Variants in TRANK1 observed in about 807,000 individuals in gnomAD.
TRANK1 encodes tetratricopeptide repeat and ankyrin repeat containing 1.
In TRANK1, 198 loss-of-function variants were observed where a neutral mutation model predicts 266.0. The observed-to-expected ratio is 0.74, with a 90% confidence interval of 0.66 to 0.84. The LOEUF (loss-of-function observed/expected upper bound fraction) is 0.84, where lower values mean the gene tolerates loss of function less well. Ranked by LOEUF, TRANK1 falls within the 40% of genes least tolerant of loss-of-function variation. The pLI is 0.00. For synonymous variants in TRANK1, 1,396 were observed against 1,384.1 expected (o/e 1.01, Z -0.19); for missense variants, 3,326 against 3,634.6 (o/e 0.92, Z 2.18).
At chr3:36,942,564 C>T (rs2080511109) in intron 1 of TRANK1, among the ~76,000 whole-genome samples, 1 of 151,004 alleles carries the variant, frequency 6.6e-6, no homozygotes, top group African/African-American at 2.4e-5. Context: ...CCACTGGGAT[C>T]CATGCAGGAG....
chr3:36,830,729 T>C (rs961031278), intron 22 of TRANK1, 144 bp downstream of exon 22: 2 of 945,362 alleles, frequency 2.1e-6, no homozygotes, highest in South Asian at 2.0e-5. Flanking sequence ...AACTTGAGAA[T>C]ATATATTCCT....
intron 8 of TRANK1, among the ~76,000 whole-genome samples, chr3:36,881,988 AG>A (rs1425822017): frequency 2.0e-5 from 3 of 152,176 alleles, no homozygotes; most frequent in Admixed American, 2.0e-4. Flanking sequence ...TCCATTCCTC[AG>A]TTGATAGAGA....
chr3:36,930,259 G>A (rs1159093090), intron 1 of TRANK1, among the ~76,000 whole-genome samples: 1 of 152,160 alleles, frequency 6.6e-6, no homozygotes, highest in African/African-American at 2.4e-5. Flanking sequence ...GATGAGGAAC[G>A]TGGGTCACCT....
chr3:36,891,038 G>A (rs1320671790), intron 7 of TRANK1, among the ~76,000 whole-genome samples: 2 of 152,276 alleles, frequency 1.3e-5, no homozygotes, highest in Middle Eastern at 6.8e-3. Context: ...CAATCTCTGT[G>A]TAAGAATAAA....
rs2080320172 is a variant in TRANK1, at chr3:36,928,553, T to C, written c.23+16234A>G. ...CTCCTGGGAAGTTTAATTACACTAA[T>C]ACTGCTTTATGACTTGATGTTTACA... On this transcript the variant is annotated intron_variant, in intron 1 of 23. Transcript: ENST00000645898. 2.0e-5 allele frequency among the ~76,000 whole-genome samples: 3 copies of C among 152,350 alleles called. No individual in the cohort carries two copies. In the South Asian group the frequency reaches 6.2e-4, roughly 32 times the overall value.
chr3:36,926,835 T>C (rs1227968508), intron 1 of TRANK1, among the ~76,000 whole-genome samples: 2 of 152,214 alleles, frequency 1.3e-5, no homozygotes, highest in Non-Finnish European at 2.9e-5. Context: ...GGGCAACTTC[T>C]TAACCTCACT....
chr3:36,891,834 C>T (rs888761723), intron 7 of TRANK1, among the ~76,000 whole-genome samples: 4 of 152,108 alleles, frequency 2.6e-5, no homozygotes, highest in Non-Finnish European at 4.4e-5. Context: ...GAAAATGAAC[C>T]GAGAGAAATA....
In TRANK1 at chr3:36,903,493, G is replaced by A. The variant is rs116308719; in HGVS notation, c.156-218C>T. ...CCTCACTCCCAAATACTCTGCTCCCGTCTTTTAATGACAATTGTTCTCAAC... is the reference window on the plus strand; with the variant it reads ...CCTCACTCCCAAATACTCTGCTCCCATCTTTTAATGACAATTGTTCTCAAC... On this transcript the variant is annotated intron_variant, in intron 2 of 23. Coordinates refer to ENST00000645898, the MANE Select transcript of TRANK1 (RefSeq NM_001329998.2). Among the ~76,000 whole-genome samples the A allele has an allele frequency of 4.6e-3, 696 of 152,326 alleles. 4 individuals carry two copies. Among genetic ancestry groups the A allele is most frequent in the African/African-American group, 0.016 (653 of 41,576 alleles).
intron 1 of TRANK1, among the ~76,000 whole-genome samples, chr3:36,937,634 A>G (rs1230375271): frequency 1.3e-5 from 2 of 152,268 alleles, no homozygotes; most frequent in African/African-American, 4.8e-5. Flanking sequence ...CCAATAAGTT[A>G]GCATTCCACA....
At position 36,868,049 on chromosome 3, in the gene TRANK1, A is replaced by C. The variant is rs370292264; in HGVS notation, c.1079-3569T>G. The stretch of plus-strand genomic sequence containing the variant: ...TGAGTGAGCCCTGCAATTGAATGGA[A>C]TCCTGTGGAGGGCTGGCTCCCACTT... On this transcript the variant is annotated intron_variant, in intron 9 of 23. Coordinates refer to ENST00000645898, the MANE Select transcript of TRANK1 (RefSeq NM_001329998.2). 1.9e-4 allele frequency among the ~76,000 whole-genome samples: 29 copies of C among 152,338 alleles called. No individual in the cohort carries two copies. The South Asian group carries it at 6.0e-3, about 32-fold the overall frequency.
intron 18 of TRANK1, among the ~76,000 whole-genome samples, chr3:36,842,402 G>T (rs2078858590): frequency 6.6e-6 from 1 of 152,242 alleles, no homozygotes; most frequent in Non-Finnish European, 1.5e-5. Context: ...GCACATGCTG[G>T]CACTTGGCCA....
intron 2 of TRANK1, among the ~76,000 whole-genome samples, chr3:36,903,479 A>C (rs552197310): frequency 6.6e-6 from 1 of 152,176 alleles, no homozygotes; most frequent in Non-Finnish European, 1.5e-5. Flanking sequence ...CTCACTCCCA[A>C]ATACTCTGCT....
chr3:36,858,080 C>A, intron 12 of TRANK1, 31 bp from the exon 13 acceptor site: 1 of 1,468,308 alleles, frequency 6.8e-7, no homozygotes, highest in South Asian at 1.4e-5. Context: ...CCTGTGAGCA[C>A]TGAGCCACTC....
chr3:36,945,444 G>A (rs1559486390), upstream of TRANK1, among the ~76,000 whole-genome samples: 1 of 152,174 alleles, frequency 6.6e-6, no homozygotes, highest in Non-Finnish European at 1.5e-5. Flanking sequence ...CAGGAGTCGG[G>A]CGAATATCAA....
rs2079731263 is a variant in TRANK1 at position 36,892,990 on chromosome 3, G to A, written c.553-6C>T. ...GCTGACAGAAGCAGAAATGACTGGT[G>A]GGAGAAGACAGAAAAGGCTGGAATA... On this transcript the variant is annotated splice_region_variant and splice_polypyrimidine_tract_variant and intron_variant, in intron 5 of 23. Transcript: ENST00000645898. The A allele has an allele frequency of 2.7e-6, 4 of 1,494,176 alleles. No individual in the cohort carries two copies. The highest frequency in any genetic ancestry group is 3.5e-6 in the Non-Finnish European group (4 of 1,128,862). The allele number at this position is 1,494,176 out of a possible 1,614,324, so 92.6% of individuals were successfully genotyped here.
chr3:36,893,905 C>CTTTTGTT, intron 5 of TRANK1, among the ~76,000 whole-genome samples: 1 of 147,030 alleles, frequency 6.8e-6, no homozygotes, highest in Non-Finnish European at 1.5e-5. Context: ...TTTTTTGAGA[C>CTTTTGTT]AGAGTCTCAC....
At chr3:36,925,812 C>T (rs2125655786) in intron 1 of TRANK1, among the ~76,000 whole-genome samples, 1 of 152,230 alleles carries the variant, frequency 6.6e-6, no homozygotes, top group South Asian at 2.1e-4. Context: ...TCTTGATCTC[C>T]TGACCTCATG....
rs544832868 is a variant in TRANK1 at position 36,879,090 on chromosome 3, T to C, written c.908-4794A>G. On this transcript the variant is annotated intron_variant, in intron 8 of 23. Transcript: ENST00000645898. ...ATCTGGAAGTGATTTATCTCTTACA[T>C]TGCTCAGAATGATGGCATATTAGAA... Among the ~76,000 whole-genome samples, 4 of 152,144 alleles carry C rather than the reference T, an allele frequency of 2.6e-5. No homozygotes were observed. The South Asian group carries it at 6.2e-4, about 24-fold the overall frequency.
intron 17 of TRANK1, among the ~76,000 whole-genome samples, chr3:36,844,345 G>A (rs2078887177): frequency 6.6e-6 from 1 of 152,180 alleles, no homozygotes; most frequent in African/African-American, 2.4e-5. Context: ...TCCTGCCTCA[G>A]TCTCCTGAGT....
Sources: gnomAD v4.1 joint callset for allele counts (sites outside exome capture counted in the v4.1 genomes callset) on GRCh38, gnomAD v4.1.1 for gene constraint, MANE v1.5 for transcripts, NCBI Gene and HGNC (gene_info 2026-07-23, HGNC 2026-07-21) for gene names.